Variants in ACYP2 observed in about 807,000 individuals in gnomAD.
The protein encoded by ACYP2 is acylphosphatase-2.
In ACYP2, 12 loss-of-function variants were observed where a neutral mutation model predicts 11.2. The observed-to-expected ratio is 1.08, with a 90% CI of 0.69 to 1.74. The LOEUF is 1.74. Ranked by LOEUF, ACYP2 falls within the 40% of genes most tolerant of loss-of-function variation. ACYP2 has a pLI of 0.00. For missense variants in ACYP2, 134 were observed against 101.9 expected (o/e 1.31, Z -1.35); for synonymous variants, 43 against 32.2 (o/e 1.33, Z -1.13).
chr2:53,999,216 G>T (rs987226934), intron 2 of ACYP2, among the ~76,000 whole-genome samples: 6 of 152,164 alleles, frequency 3.9e-5, no homozygotes, highest in African/African-American at 1.4e-4. Context: ...ACAGTAACTT[G>T]GATCGCAAAA....
chr2:54,102,638 CAAAAAAAAAAAAAAA>C lies in ACYP2; in HGVS notation c.278-32793_278-32779del, dbSNP rs58842257. 1.7e-3 allele frequency among the ~76,000 whole-genome samples: 139 copies of C among 83,318 alleles called. 1 individual carries two copies. The highest frequency in any genetic ancestry group is 0.01 in the South Asian group (35 of 3,454). The allele number at this position is 83,318 out of a possible 152,430, so 54.7% of individuals were successfully genotyped here. On this transcript the variant is annotated intron_variant, in intron 4 of 6. Transcript: ENST00000607452. ...AAACCCAATTTAAGCTGGCTTAAGC[CAAAAAAAAAAAAAAA>C]AAAAAAAAAAAAAAAAAAAAAGAAT... is the stretch of plus-strand genomic sequence containing the variant.
chr2:54,244,040 TATTTC>T (rs1183080198), intron 6 of ACYP2, among the ~76,000 whole-genome samples: 2 of 152,086 alleles, frequency 1.3e-5, no homozygotes, highest in African/African-American at 4.8e-5. Flanking sequence ...GTATTTTAAT[TATTTC>T]ATTTTTAAAA....
intron 6 of ACYP2, among the ~76,000 whole-genome samples, chr2:54,221,970 C>G (rs1432126013): frequency 6.6e-6 from 1 of 152,184 alleles, no homozygotes; most frequent in Non-Finnish European, 1.5e-5. Context: ...CCTGGCCACA[C>G]AAGTGTTTGG....
In ACYP2 at chr2:54,119,051, C is replaced by CTTTTTTTTTT. The variant is rs10542497; in HGVS notation, c.278-16379_278-16370dup. ...GAAGTGGGATTTGAATCTTAGTAGT[C>CTTTTTTTTTT]TTTTTTTTTTTTTTTTTTTTTTTTT... On this transcript the variant is annotated intron_variant, in intron 4 of 6. Coordinates refer to ENST00000607452, the MANE Select transcript of ACYP2 (RefSeq NM_001320586.2). Among the ~76,000 whole-genome samples, 21 of 43,776 alleles carry CTTTTTTTTTT rather than the reference C, an allele frequency of 4.8e-4. 3 individuals carry two copies. Among genetic ancestry groups the CTTTTTTTTTT allele is most frequent in the African/African-American group, 2.0e-3 (19 of 9,482 alleles). The allele number at this position is 43,776 out of a possible 152,430, so 28.7% of individuals were successfully genotyped here. A position where few individuals can be genotyped will look rare whatever the true frequency, so the allele number is the denominator to read the frequency against.
At position 54,059,246 on chromosome 2, in the gene ACYP2, T is replaced by G. The variant is rs1395268480; in HGVS notation, c.277+1886T>G. 2.2e-5 allele frequency among the ~76,000 whole-genome samples: 3 copies of G among 139,166 alleles called. No individual in the cohort carries two copies. In the East Asian group the frequency reaches 5.8e-4, roughly 27 times the overall value. The allele number at this position is 139,166 out of a possible 152,430, so 91.3% of individuals were successfully genotyped here. ...TCTTTTTTTTCTTTTGAGTTGGAAT[T>G]TTGCTCTTGTTGCCCGGGCTGGAGT... On this transcript the variant is annotated intron_variant, in intron 4 of 6. Transcript: ENST00000607452.
At chr2:54,232,754 G>C (rs551778822) in intron 6 of ACYP2, among the ~76,000 whole-genome samples, 9 of 152,152 alleles carry the variant, frequency 5.9e-5, no homozygotes, top group Non-Finnish European at 1.2e-4. Context: ...CGGCAAGAGA[G>C]GGAGAGCAAA....
At chr2:54,068,180 G>A (rs1676839684) in intron 4 of ACYP2, among the ~76,000 whole-genome samples, 1 of 152,210 alleles carries the variant, frequency 6.6e-6, no homozygotes, top group Non-Finnish European at 1.5e-5. Flanking sequence ...CATCCCAGGA[G>A]AGAAGGGATG....
At chr2:54,072,698 G>T (rs907951161) in intron 4 of ACYP2, among the ~76,000 whole-genome samples, 2 of 151,832 alleles carry the variant, frequency 1.3e-5, no homozygotes, top group African/African-American at 2.4e-5. Context: ...GAGTAGCTGG[G>T]ACTACAGGCA....
chr2:54,252,677 G>A (rs1687281324), intron 6 of ACYP2, among the ~76,000 whole-genome samples: 1 of 152,076 alleles, frequency 6.6e-6, no homozygotes, highest in African/African-American at 2.4e-5. Flanking sequence ...CAATGGTCGG[G>A]CGGATCACAA....
intron 6 of ACYP2, among the ~76,000 whole-genome samples, chr2:54,266,852 G>A (rs1051229803): frequency 2.6e-5 from 4 of 151,496 alleles, no homozygotes; most frequent in Non-Finnish European, 5.9e-5. Flanking sequence ...CTCGTGATCC[G>A]CCCGCCTCAG....
intron 6 of ACYP2, among the ~76,000 whole-genome samples, chr2:54,238,086 C>T (rs138870194): frequency 1.8e-4 from 28 of 152,310 alleles, no homozygotes; most frequent in African/African-American, 6.7e-4. Flanking sequence ...TGATTCAGGT[C>T]TCTGCTCAAA....
chr2:53,992,180 T>C (rs1290648375), intron 2 of ACYP2, among the ~76,000 whole-genome samples: 1 of 151,284 alleles, frequency 6.6e-6, no homozygotes, highest in African/African-American at 2.4e-5. Flanking sequence ...TTTTTCTTCC[T>C]TCCTTCTTTC....
intron 4 of ACYP2, chr2:54,082,663 G>A (rs1057033215): frequency 6.6e-6 from 1 of 152,134 alleles, no homozygotes; most frequent in African/African-American, 2.4e-5. Flanking sequence ...AGCTTATTTT[G>A]TATAGTTTGC....
At chr2:54,015,688 C>CACACAA in intron 2 of ACYP2, among the ~76,000 whole-genome samples, 1 of 122,538 alleles carries the variant, frequency 8.2e-6, no homozygotes, top group Non-Finnish European at 1.7e-5. Flanking sequence ...CACACACACA[C>CACACAA]GGCAGAATCT....
At chr2:54,093,666 C>T (rs747358816) in intron 4 of ACYP2, among the ~76,000 whole-genome samples, 1 of 152,204 alleles carries the variant, frequency 6.6e-6, no homozygotes, top group Admixed American at 6.5e-5. Flanking sequence ...CTTGGCCGGG[C>T]GTGGTGGCTC....
At chr2:53,987,097 C>A (rs1444175029) in intron 2 of ACYP2, among the ~76,000 whole-genome samples, 19 of 152,086 alleles carry the variant, frequency 1.2e-4, no homozygotes. Context: ...AGAGCATGTT[C>A]TGTATGATTC....
At chr2:53,986,336 A>T (rs1672035490) in intron 2 of ACYP2, among the ~76,000 whole-genome samples, 1 of 133,964 alleles carries the variant, frequency 7.5e-6, no homozygotes, top group Admixed American at 7.8e-5. Context: ...TGAGCCAAGT[A>T]AACCTCTTTT....
At chr2:54,041,074 TTTC>T in intron 2 of ACYP2, among the ~76,000 whole-genome samples, 1 of 151,524 alleles carries the variant, frequency 6.6e-6, no homozygotes, top group African/African-American at 2.4e-5. Flanking sequence ...CTTTTTTTCT[TTTC>T]TTTTCCTCTC....
At chr2:54,279,657 T>C (rs1052686666) in intron 6 of ACYP2, among the ~76,000 whole-genome samples, 1 of 152,068 alleles carries the variant, frequency 6.6e-6, no homozygotes, top group African/African-American at 2.4e-5. Flanking sequence ...AGCCCTACCC[T>C]ACCTTGTCAG....
Sources: allele counts gnomAD v4.1 joint callset (sites outside exome capture counted in the v4.1 genomes callset), GRCh38; gene constraint gnomAD v4.1.1; transcripts MANE v1.5; gene names NCBI Gene and HGNC (gene_info 2026-07-23, HGNC 2026-07-21).